STARD13: variants seen among roughly 807,000 people sequenced by gnomAD.
STARD13 encodes stAR-related lipid transfer protein 13.
A neutral mutation model predicts 106.4 loss-of-function variants in STARD13; 62 were observed. The observed-to-expected ratio is 0.58, with a 90% confidence interval of 0.48 to 0.72. The LOEUF (loss-of-function observed/expected upper bound fraction) is 0.72, where lower values mean the gene tolerates loss of function less well. Among genes scored for constraint, STARD13 ranks in the 30% least tolerant of loss-of-function variants. STARD13 has a pLI of 0.00. For missense variants in STARD13, 1,387 were observed against 1,424.0 expected (o/e 0.97, Z 0.42); for synonymous variants, 565 against 553.0 (o/e 1.02, Z -0.31).
rs377262299 is a variant in STARD13, at chr13:33,150,967, T to C, written c.324-8594A>G. 1.3e-4 allele frequency among the ~76,000 whole-genome samples: 20 copies of C among 152,308 alleles called. No individual in the cohort carries two copies. In the East Asian group the frequency reaches 3.9e-3, roughly 29 times the overall value. Reference sequence around the variant, plus strand: ...ACAGTATTTAAAAAGATATGGTCCCTGCCCTTGAGAATCTCATGGTCCCAT... The same window carrying C: ...ACAGTATTTAAAAAGATATGGTCCCCGCCCTTGAGAATCTCATGGTCCCAT... On this transcript the variant is annotated intron_variant, in intron 3 of 13. Coordinates refer to ENST00000336934, the MANE Select transcript of STARD13 (RefSeq NM_178006.4).
At chr13:33,624,839 G>A in the STARD13 span, among the ~76,000 whole-genome samples, 2 of 152,234 alleles carry the variant, frequency 1.3e-5, no homozygotes, top group African/African-American at 4.8e-5. Flanking sequence ...AGATGTGGGT[G>A]ACTGACTAGT....
chr13:33,597,490 A>G, the STARD13 span, among the ~76,000 whole-genome samples: 5,520 of 151,886 alleles, frequency 0.036, 257 homozygotes, highest in African/African-American at 0.099. Flanking sequence ...TTCTCATTTC[A>G]TCATACAACC....
rs148525560 is a variant in STARD13 at position 33,134,471 on chromosome 13, T to C, written c.388-4182A>G. 2.5e-3 allele frequency among the ~76,000 whole-genome samples: 378 copies of C among 152,302 alleles called. 2 individuals carry two copies. Among genetic ancestry groups the C allele is most frequent in the African/African-American group, 8.4e-3 (351 of 41,566 alleles). ...GTGTGACTAAAAGACTGTAAATAAC[T>C]GAAGGAAGCATGTCTCAAGGTTATG... is the stretch of plus-strand genomic sequence containing the variant. On this transcript the variant is annotated intron_variant, in intron 4 of 13. Transcript: ENST00000336934.
At chr13:33,568,028 A>T in the STARD13 span, among the ~76,000 whole-genome samples, 1 of 146,368 alleles carries the variant, frequency 6.8e-6, no homozygotes, top group Non-Finnish European at 1.5e-5. Context: ...GTATTTAGGG[A>T]TTTTTTTTTC....
chr13:33,219,249 G>A (rs1888208921), intron 1 of STARD13, among the ~76,000 whole-genome samples: 1 of 152,068 alleles, frequency 6.6e-6, no homozygotes, highest in South Asian at 2.1e-4. Flanking sequence ...TTTCTTTGAT[G>A]TGTGTCCCTT....
intron 1 of STARD13, among the ~76,000 whole-genome samples, chr13:33,176,572 T>C (rs1170456493): frequency 6.6e-6 from 1 of 152,200 alleles, no homozygotes; most frequent in Non-Finnish European, 1.5e-5. Context: ...TTGCAGTTTG[T>C]TAATAGATAT....
At chr13:33,156,654 G>C (rs1882022068) in intron 3 of STARD13, among the ~76,000 whole-genome samples, 1 of 152,082 alleles carries the variant, frequency 6.6e-6, no homozygotes, top group Non-Finnish European at 1.5e-5. Context: ...TCTGTAAAGG[G>C]GGAATGATGT....
chr13:33,515,698 C>T, the STARD13 span, among the ~76,000 whole-genome samples: 1,050 of 152,218 alleles, frequency 6.9e-3, 38 homozygotes, highest in South Asian at 0.093. Flanking sequence ...CAAGAAGAAC[C>T]ATTTATCACT....
chr13:33,635,014 C>A, the STARD13 span, among the ~76,000 whole-genome samples: 143 of 152,300 alleles, frequency 9.4e-4, no homozygotes, highest in African/African-American at 3.3e-3. Flanking sequence ...CAAAGGGGAA[C>A]ATTTGAGATG....
At chr13:33,177,813 G>GAAGGAAGGAAGGAAGGAAGGAAGGAAGGA (rs1566052129) in intron 1 of STARD13, among the ~76,000 whole-genome samples, 1 of 24,212 alleles carries the variant, frequency 4.1e-5, no homozygotes, top group Non-Finnish European at 7.6e-5. Flanking sequence ...AGGAAGGAAG[G>GAAGGAAGGAAGGAAGGAAGGAAGGAAGGA]AAGGAAGGAA....
chr13:33,143,078 C>T (rs1880050022), intron 3 of STARD13, among the ~76,000 whole-genome samples: 1 of 152,234 alleles, frequency 6.6e-6, no homozygotes, highest in African/African-American at 2.4e-5. Flanking sequence ...TCACAGGACC[C>T]TTACCAGGAG....
intron 1 of STARD13, among the ~76,000 whole-genome samples, chr13:33,177,100 C>T (rs1011919278): frequency 6.6e-5 from 10 of 152,122 alleles, no homozygotes; most frequent in African/African-American, 2.4e-4. Context: ...GCTACCTTGT[C>T]TAATATGAAT....
the STARD13 span, among the ~76,000 whole-genome samples, chr13:33,462,443 T>C: frequency 6.6e-6 from 1 of 152,224 alleles, no homozygotes; most frequent in Admixed American, 6.5e-5. Context: ...GAAATGTGTA[T>C]ATATGCAGGG....
At chr13:33,110,477 C>T (rs1874371632) in intron 11 of STARD13, among the ~76,000 whole-genome samples, 2 of 152,106 alleles carry the variant, frequency 1.3e-5, no homozygotes, top group Non-Finnish European at 2.9e-5. Context: ...AGAGACAGGA[C>T]CGGGATCCAG....
chr13:33,609,105 A>ATG, the STARD13 span, among the ~76,000 whole-genome samples: 2 of 133,168 alleles, frequency 1.5e-5, no homozygotes, highest in African/African-American at 6.7e-5. Flanking sequence ...AAAAAAAAAA[A>ATG]AAATATTGAT....
intron 1 of STARD13, among the ~76,000 whole-genome samples, chr13:33,211,002 C>T (rs530339578): frequency 1.3e-5 from 2 of 152,234 alleles, no homozygotes; most frequent in African/African-American, 4.8e-5. Flanking sequence ...AACAAAAACT[C>T]ACTGGAAATG....
At chr13:33,242,983 G>A (rs1889607456) in intron 1 of STARD13, among the ~76,000 whole-genome samples, 1 of 152,094 alleles carries the variant, frequency 6.6e-6, no homozygotes, top group African/African-American at 2.4e-5. Context: ...TTTCCAAACT[G>A]CTGGCTCCTG....
chr13:33,575,352 T>A, the STARD13 span, among the ~76,000 whole-genome samples: 1 of 152,218 alleles, frequency 6.6e-6, no homozygotes, highest in Non-Finnish European at 1.5e-5. Context: ...ATAAATGACT[T>A]CATCAATTTT....
chr13:33,447,940 C>A, the STARD13 span, among the ~76,000 whole-genome samples: 1 of 152,088 alleles, frequency 6.6e-6, no homozygotes, highest in South Asian at 2.1e-4. Flanking sequence ...ATAATAAGCA[C>A]AATTAATTTT....
Sources: gnomAD v4.1 joint callset for allele counts (sites outside exome capture counted in the v4.1 genomes callset) on GRCh38, gnomAD v4.1.1 for gene constraint, MANE v1.5 for transcripts, NCBI Gene and HGNC (gene_info 2026-07-23, HGNC 2026-07-21) for gene names.